CNBD1: variants seen among roughly 807,000 people sequenced by gnomAD.
The protein encoded by CNBD1 is cyclic nucleotide binding domain containing 1.
In CNBD1, 71 loss-of-function variants were observed where a neutral mutation model predicts 54.4. The ratio of observed to expected loss-of-function variants is 1.30; its 90% CI spans 1.08 to 1.59. The LOEUF is 1.59. Among genes scored for constraint, CNBD1 ranks in the 40% most tolerant of loss-of-function variants. The pLI, the probability that CNBD1 is intolerant of heterozygous loss-of-function variation, is 0.00. For synonymous variants in CNBD1, 182 were observed against 170.7 expected (o/e 1.07, Z -0.51); for missense variants, 659 against 518.0 (o/e 1.27, Z -2.64).
intron 4 of CNBD1, among the ~76,000 whole-genome samples, chr8:87,094,076 A>G (rs1012523831): frequency 6.6e-5 from 10 of 152,154 alleles, no homozygotes; most frequent in African/African-American, 1.9e-4. Flanking sequence ...AATTTTCTCT[A>G]TCCTCCTCAC....
At chr8:86,932,088 T>C (rs921214749) in intron 3 of CNBD1, among the ~76,000 whole-genome samples, 2 of 152,150 alleles carry the variant, frequency 1.3e-5, no homozygotes, top group Non-Finnish European at 2.9e-5. Context: ...TTACTTAAGA[T>C]ACCAGGTATC....
chr8:87,228,995 C>T (rs942404590), intron 5 of CNBD1, among the ~76,000 whole-genome samples: 1 of 152,156 alleles, frequency 6.6e-6, no homozygotes, highest in Non-Finnish European at 1.5e-5. Flanking sequence ...TGGGAGTGAC[C>T]CGATTTTCCC....
At chr8:87,245,907 G>A (rs973770929) in intron 6 of CNBD1, among the ~76,000 whole-genome samples, 1 of 151,818 alleles carries the variant, frequency 6.6e-6, no homozygotes, top group Admixed American at 6.6e-5. Context: ...ATTATTAGCA[G>A]TATTTATGAT....
chr8:87,090,332 A>T lies in CNBD1; in HGVS notation c.432-115661A>T, dbSNP rs1586248943. ...AATGACTGTCTTGTGTGGCAAAAAT[A>T]ACCTTCTAAGTTAAGAGTATATAAT... On this transcript the variant is annotated intron_variant, in intron 4 of 10. Transcript: ENST00000518476. Among the ~76,000 whole-genome samples the T allele has an allele frequency of 3.3e-5, 5 of 152,304 alleles. No individual in the cohort carries two copies. In the South Asian group the frequency reaches 1.0e-3, roughly 32 times the overall value.
At chr8:87,245,078 TC>T (rs1807777820) in intron 6 of CNBD1, among the ~76,000 whole-genome samples, 1 of 152,096 alleles carries the variant, frequency 6.6e-6, no homozygotes, top group Admixed American at 6.6e-5. Context: ...TAATTGTCTC[TC>T]CGATCATCGA....
At chr8:87,333,632 T>C (rs761323909) in intron 8 of CNBD1, among the ~76,000 whole-genome samples, 2 of 152,216 alleles carry the variant, frequency 1.3e-5, no homozygotes, top group Non-Finnish European at 2.9e-5. Flanking sequence ...ATTGAGATAA[T>C]CATGTGGTTT....
chr8:86,968,355 C>A (rs1808138520), intron 4 of CNBD1, among the ~76,000 whole-genome samples: 2 of 152,086 alleles, frequency 1.3e-5, no homozygotes, highest in Non-Finnish European at 2.9e-5. Context: ...ATTGCCCCCA[C>A]CCTTGCTCAA....
At chr8:87,043,122 G>A (rs1810108484) in intron 4 of CNBD1, among the ~76,000 whole-genome samples, 1 of 152,198 alleles carries the variant, frequency 6.6e-6, no homozygotes, top group Admixed American at 6.5e-5. Flanking sequence ...AGGGGCCAGT[G>A]GGAAATGTTA....
chr8:87,028,254 C>A (rs2130588892), intron 4 of CNBD1, among the ~76,000 whole-genome samples: 1 of 152,314 alleles, frequency 6.6e-6, no homozygotes, highest in East Asian at 1.9e-4. Context: ...TTTTCAAAGG[C>A]AGCTCTTCTG....
At chr8:87,036,423 T>A (rs1809948010) in intron 4 of CNBD1, among the ~76,000 whole-genome samples, 1 of 151,776 alleles carries the variant, frequency 6.6e-6, no homozygotes, top group African/African-American at 2.4e-5. Flanking sequence ...TGAAACCCCA[T>A]CTCTACTGAA....
At chr8:86,949,068 G>A (rs998836923) in intron 4 of CNBD1, among the ~76,000 whole-genome samples, 2 of 151,856 alleles carry the variant, frequency 1.3e-5, no homozygotes, top group African/African-American at 4.8e-5. Flanking sequence ...GTATATATAT[G>A]GATTTATTTG....
intron 4 of CNBD1, among the ~76,000 whole-genome samples, chr8:86,940,130 T>C (rs1056530006): frequency 4.5e-5 from 2 of 44,712 alleles, no homozygotes; most frequent in Non-Finnish European, 7.1e-5. Context: ...TACCACATGT[T>C]ACTTTTTTTT....
chr8:86,951,432 T>C (rs1807618733), intron 4 of CNBD1, among the ~76,000 whole-genome samples: 1 of 151,308 alleles, frequency 6.6e-6, no homozygotes, highest in Non-Finnish European at 1.5e-5. Context: ...CTACTAAAAG[T>C]AGCTGGGTGT....
At chr8:86,933,498 T>A (rs1353984557) in intron 3 of CNBD1, among the ~76,000 whole-genome samples, 1 of 152,206 alleles carries the variant, frequency 6.6e-6, no homozygotes, top group East Asian at 1.9e-4. Flanking sequence ...AAGAATCACT[T>A]CATTTCTATA....
chr8:87,206,363 G>A (rs564439797), intron 5 of CNBD1, among the ~76,000 whole-genome samples: 38 of 152,122 alleles, frequency 2.5e-4, no homozygotes, highest in African/African-American at 8.7e-4. Flanking sequence ...TCTCTGCCTG[G>A]AGCATGACTC....
At chr8:87,345,706 T>C (rs1274885752) in intron 8 of CNBD1, among the ~76,000 whole-genome samples, 2 of 152,126 alleles carry the variant, frequency 1.3e-5, no homozygotes, top group Non-Finnish European at 2.9e-5. Flanking sequence ...ATGCAAGCTC[T>C]TTATGAAATA....
intron 4 of CNBD1, among the ~76,000 whole-genome samples, chr8:87,090,277 A>G (rs950901346): frequency 6.6e-6 from 1 of 152,168 alleles, no homozygotes; most frequent in Non-Finnish European, 1.5e-5. Flanking sequence ...TCTCTAATAT[A>G]TTGTCTCTTA....
intron 5 of CNBD1, among the ~76,000 whole-genome samples, chr8:87,226,061 G>C (rs1814480317): frequency 1.3e-5 from 2 of 152,006 alleles, no homozygotes; most frequent in Admixed American, 6.5e-5. Flanking sequence ...ATGGTAGTTT[G>C]TATTTCTGTG....
intron 4 of CNBD1, among the ~76,000 whole-genome samples, chr8:87,048,463 T>C (rs1216947840): frequency 1.3e-5 from 2 of 152,188 alleles, no homozygotes; most frequent in Non-Finnish European, 2.9e-5. Flanking sequence ...TACCTCTTAA[T>C]GACATCATTT....
Sources: allele counts gnomAD v4.1 joint callset (sites outside exome capture counted in the v4.1 genomes callset), GRCh38; gene constraint gnomAD v4.1.1; transcripts MANE v1.5; gene names NCBI Gene and HGNC (gene_info 2026-07-23, HGNC 2026-07-21).